ABCA10: variants seen among roughly 807,000 people sequenced by gnomAD.
ABCA10 encodes the protein ATP binding cassette subfamily A member 10, also known as ATP-binding cassette sub-family A member 10.
Under a neutral mutation model 187.5 loss-of-function variants are expected in ABCA10, and 169 were observed. The ratio of observed to expected loss-of-function variants is 0.90; its 90% CI spans 0.80 to 1.02. The LOEUF is 1.02. Ranked by LOEUF, ABCA10 falls within the 50% of genes least tolerant of loss-of-function variation. The probability of loss-of-function intolerance (pLI) is 0.00; values close to 1 mark genes in which losing one functional copy is unlikely to be tolerated. For synonymous variants in ABCA10, 574 were observed against 601.8 expected (o/e 0.95, Z 0.68); for missense variants, 1,727 against 1,812.4 (o/e 0.95, Z 0.86).
intron 22 of ABCA10, among the ~76,000 whole-genome samples, chr17:69,179,924 C>T (rs983893632): frequency 3.9e-5 from 6 of 152,252 alleles, no homozygotes; most frequent in African/African-American, 1.4e-4. Flanking sequence ...ACATTCAATT[C>T]TGAAAAATCC....
intron 31 of ABCA10, 51 bp from the exon 32 acceptor site, chr17:69,154,060 C>T: frequency 6.3e-7 from 1 of 1,585,448 alleles, no homozygotes; most frequent in South Asian, 1.2e-5. Context: ...GCTCCAATCC[C>T]CCTTCTACTA....
intron 3 of ABCA10, among the ~76,000 whole-genome samples, chr17:69,223,418 G>A (rs2074766943): frequency 6.6e-6 from 1 of 152,146 alleles, no homozygotes; most frequent in African/African-American, 2.4e-5. Context: ...GTGCATAAAT[G>A]AATGAGTTTA....
At chr17:69,188,802 C>G (rs2074439995) in intron 18 of ABCA10, among the ~76,000 whole-genome samples, 1 of 151,898 alleles carries the variant, frequency 6.6e-6, no homozygotes, top group African/African-American at 2.4e-5. Context: ...GTTTTCTGTT[C>G]CTGTGTTAAT....
intron 10 of ABCA10, among the ~76,000 whole-genome samples, chr17:69,200,195 T>C (rs2074533601): frequency 1.3e-5 from 2 of 152,240 alleles, no homozygotes; most frequent in Non-Finnish European, 2.9e-5. Context: ...CTAATATTTA[T>C]TGAACACCTA....
intron 26 of ABCA10, 121 bp downstream of exon 26, chr17:69,164,843 G>A (rs963395814): frequency 4.8e-6 from 6 of 1,240,514 alleles, no homozygotes; most frequent in Non-Finnish European, 5.5e-6. Flanking sequence ...CTTATTTTTA[G>A]AATTTATCAG....
rs541870679 is a variant in ABCA10, at chr17:69,180,047, T to C, written c.2769+2106A>G. The stretch of plus-strand genomic sequence containing the variant: ...CTGTAACATGCTTCCACAGTAATGA[T>C]AATAATGGCTCATGGTTGTGCGATA... On this transcript the variant is annotated intron_variant, in intron 22 of 38. Transcript: ENST00000690296. 3.9e-5 allele frequency among the ~76,000 whole-genome samples: 6 copies of C among 152,354 alleles called. No homozygotes were observed. In the South Asian group the frequency reaches 1.0e-3, roughly 26 times the overall value.
intron 9 of ABCA10, 137 bp downstream of exon 9, chr17:69,214,567 A>C (rs2074688405): frequency 6.8e-6 from 5 of 730,366 alleles, no homozygotes; most frequent in Non-Finnish European, 1.0e-5. Flanking sequence ...AATGGAAATG[A>C]GGAAATTCTA....
At chr17:69,233,594 A>G (rs1012870621), upstream of ABCA10, 2 of 152,320 alleles carry the variant, frequency 1.3e-5, no homozygotes, top group South Asian at 2.1e-4. Flanking sequence ...TGGTAAGGTC[A>G]TATTTTCCTA....
chr17:69,180,078 AAC>A (rs1373699470), intron 22 of ABCA10, among the ~76,000 whole-genome samples: 1 of 152,210 alleles, frequency 6.6e-6, no homozygotes, highest in African/African-American at 2.4e-5. Flanking sequence ...CGATACATTA[AAC>A]ACTTTTAAAA....
rs555588771 is a variant in ABCA10 at position 69,171,934 on chromosome 17, C to CAA, written c.3162+2345_3162+2346dup. ...ATATAAATGATGCATTTTGGGAAGC[C>CAA]AAAAAAAAAAAAAAAAAAAGATTGA... On this transcript the variant is annotated intron_variant, in intron 25 of 38. Transcript: ENST00000690296. Among the ~76,000 whole-genome samples the CAA allele has an allele frequency of 3.9e-3, 311 of 80,038 alleles. 7 individuals are homozygous for CAA. The highest frequency in any genetic ancestry group is 0.026 in the Middle Eastern group (2 of 76). 52.5% of individuals were successfully genotyped at this position (80,038 alleles called of 152,430 possible).
intron 12 of ABCA10, 78 bp downstream of exon 12, chr17:69,194,307 A>G: frequency 2.4e-6 from 3 of 1,227,530 alleles, no homozygotes; most frequent in Middle Eastern, 1.9e-4. Flanking sequence ...TCCAATTTAG[A>G]GAAACATTTT....
At chr17:69,172,994 A>G (rs960729178) in intron 25 of ABCA10, among the ~76,000 whole-genome samples, 11 of 152,278 alleles carry the variant, frequency 7.2e-5, no homozygotes, top group African/African-American at 2.6e-4. Flanking sequence ...ATGGCCAAAA[A>G]CCATAAGAAT....
At chr17:69,152,291 C>A in intron 35 of ABCA10, 71 bp downstream of exon 35, 1 of 1,578,612 alleles carries the variant, frequency 6.3e-7, no homozygotes, top group Non-Finnish European at 8.6e-7. Flanking sequence ...AGAGCATCAG[C>A]TGTTCATAGC....
At chr17:69,157,163 T>G (rs548416233) in intron 27 of ABCA10, among the ~76,000 whole-genome samples, 63 of 152,280 alleles carry the variant, frequency 4.1e-4, no homozygotes, top group Admixed American at 1.1e-3. Context: ...TAAAAACTTT[T>G]AAAAAGCATA....
At position 69,174,680 on chromosome 17, in the gene ABCA10, A is replaced by C; in HGVS notation, c.2975T>G (p.Leu992Arg). ...LVDIPLYFLI[L>R]FSIHLIYYFI... is the part of the protein sequence containing the mutation. Reference sequence around the variant, plus strand: ...GTAGTAAATTAAATGTATTGAAAAGAGAATCAAGAAGTATAATGGAATGTC... The same window carrying C: ...GTAGTAAATTAAATGTATTGAAAAGCGAATCAAGAAGTATAATGGAATGTC... Residue 992 changes from leucine to arginine, a missense_variant, in exon 24 of 39, where the codon CTC (leucine) becomes CGC (arginine). Leu to Arg is a moderately radical substitution (Grantham distance 102). Coordinates refer to ENST00000690296, the MANE Select transcript of ABCA10 (RefSeq NM_001377321.1). 9 of 1,611,998 alleles carry C rather than the reference A, an allele frequency of 5.6e-6. No individual in the cohort carries two copies. The highest frequency in any genetic ancestry group is 1.3e-5 in the African/African-American group (1 of 74,996).
In ABCA10 at chr17:69,154,278, G is replaced by C; in HGVS notation, c.3743C>G (p.Ser1248Cys). ...LGHNGAGKST[S>C]IKMITGCTKP... Reference sequence around the variant, plus strand: ...TGTGCACCCAGTTATCATTTTAATGGAAGTACTTTTACCAGCTCCATTGTG... The same window carrying C: ...TGTGCACCCAGTTATCATTTTAATGCAAGTACTTTTACCAGCTCCATTGTG... The change falls in exon 31 of 39, where the codon TCC (serine) becomes TGC (cysteine). Residue 1248 changes from serine to cysteine, a missense_variant. Physicochemically the swap from Ser to Cys is moderately radical, Grantham distance 112 (BLOSUM62 -1). Transcript: ENST00000690296. 1.9e-6 allele frequency: 3 copies of C among 1,612,784 alleles called. No individual in the cohort carries two copies. Among genetic ancestry groups the C allele is most frequent in the Non-Finnish European group, 2.5e-6 (3 of 1,179,638 alleles).
At chr17:69,150,316 C>T in intron 36 of ABCA10, 1 of 357,902 alleles carries the variant, frequency 2.8e-6, no homozygotes, top group East Asian at 5.5e-5. Flanking sequence ...TCCCACTCAG[C>T]CTGCACTTTG....
At chr17:69,185,760 G>T in intron 19 of ABCA10, 117 bp from the exon 20 acceptor site, 4 of 740,594 alleles carry the variant, frequency 5.4e-6, no homozygotes, top group Non-Finnish European at 8.3e-6. Context: ...GTGGTGTTTA[G>T]TTAGATAAAA....
At position 69,210,585 on chromosome 17, in the gene ABCA10, C is replaced by T. The variant is rs1024420656; in HGVS notation, c.1006+4119G>A. 3.3e-5 allele frequency among the ~76,000 whole-genome samples: 4 copies of T among 121,472 alleles called. No homozygotes were observed. The Admixed American group carries it at 3.3e-4, about 10-fold the overall frequency. 79.7% of individuals were successfully genotyped at this position (121,472 alleles called of 152,430 possible). ...TTTTATCCTTCAACCCCTCATCCTT[C>T]CCTCCAAGTCCCCAAAGTTCATTAT... On this transcript the variant is annotated intron_variant, in intron 9 of 38. Coordinates refer to ENST00000690296, the MANE Select transcript of ABCA10 (RefSeq NM_001377321.1).
Sources: allele counts gnomAD v4.1 joint callset (sites outside exome capture counted in the v4.1 genomes callset), GRCh38; gene constraint gnomAD v4.1.1; transcripts MANE v1.5; gene names NCBI Gene and HGNC (gene_info 2026-07-23, HGNC 2026-07-21).